FBXO11: variants seen among roughly 807,000 people sequenced by gnomAD.
The protein encoded by FBXO11 is F-box only protein 11.
In FBXO11, 13 loss-of-function variants were observed where a neutral mutation model predicts 117.0. The observed-to-expected ratio is 0.11, with a 90% CI of 0.07 to 0.18. The LOEUF (loss-of-function observed/expected upper bound fraction) is 0.18, where lower values mean the gene tolerates loss of function less well. FBXO11 is among the 10% of genes least tolerant of loss of function. The pLI is 1.00. For missense variants in FBXO11, 767 were observed against 1,164.4 expected (o/e 0.66, Z 4.97); for synonymous variants, 490 against 380.5 (o/e 1.29, Z -3.35).
At chr2:47,857,882 G>A (rs1027923420) in intron 1 of FBXO11, among the ~76,000 whole-genome samples, 4 of 152,104 alleles carry the variant, frequency 2.6e-5, no homozygotes, top group African/African-American at 9.7e-5. Flanking sequence ...AGAATCATAA[G>A]GCAGACGCAG....
chr2:47,839,270 A>C (rs1672836943), intron 3 of FBXO11, 149 bp downstream of exon 3: 2 of 757,278 alleles, frequency 2.6e-6, no homozygotes, highest in Admixed American at 6.5e-5. Context: ...AGTCAGAGGG[A>C]GAGGTCAGGG....
At chr2:47,873,865 G>A (rs1318781742) in intron 1 of FBXO11, among the ~76,000 whole-genome samples, 1 of 151,972 alleles carries the variant, frequency 6.6e-6, no homozygotes, top group Non-Finnish European at 1.5e-5. Context: ...CATTTAATCT[G>A]TGTTCCTCTG....
At chr2:47,853,402 CAT>C (rs1426643689) in intron 1 of FBXO11, among the ~76,000 whole-genome samples, 3 of 152,136 alleles carry the variant, frequency 2.0e-5, no homozygotes, top group African/African-American at 7.2e-5. Context: ...AATACTTTTA[CAT>C]GTCATATTTT....
At chr2:47,897,701 CAAAAAAAAAAAAA>C (rs60982405) in intron 1 of FBXO11, among the ~76,000 whole-genome samples, 1 of 103,144 alleles carries the variant, frequency 9.7e-6, no homozygotes, top group African/African-American at 4.1e-5. Context: ...TGTCTTAAAC[CAAAAAAAAAAAAA>C]AAAAAAAGGA....
chr2:47,904,865 G>A (rs1241696854), intron 1 of FBXO11, among the ~76,000 whole-genome samples: 1 of 152,034 alleles, frequency 6.6e-6, no homozygotes, highest in African/African-American at 2.4e-5. Context: ...AAGACAAACT[G>A]CGCAGCAAAC....
At chr2:47,832,252 A>T in intron 11 of FBXO11, 97 bp downstream of exon 11, 1 of 1,021,476 alleles carries the variant, frequency 9.8e-7, no homozygotes. Context: ...ATACTCTTCA[A>T]TTCAGATAAT....
intron 7 of FBXO11, among the ~76,000 whole-genome samples, chr2:47,834,228 T>C (rs1672388831): frequency 6.6e-6 from 1 of 152,144 alleles, no homozygotes; most frequent in African/African-American, 2.4e-5. Context: ...TGCATGCCTA[T>C]AATCCCAGCT....
rs1325540137 is a variant in FBXO11 at position 47,818,977 on chromosome 2, G to A, written c.1899C>T (p.Asn633=). ...CTACCTGCTTGCCACTGTGTATCCGGTTTCTTCTCAGTACTGGAGTGCTGC... is the reference window on the plus strand; with the variant it reads ...CTACCTGCTTGCCACTGTGTATCCGATTTCTTCTCAGTACTGGAGTGCTGC... ...TTGSTPVLRR[N]RIHSGKQVGV... The change falls in exon 15 of 23, where the codon AAC becomes AAT. Residue 633 remains asparagine (N), a synonymous_variant. Transcript: ENST00000403359. The A allele has an allele frequency of 6.2e-7, 1 of 1,613,856 alleles. No individual in the cohort carries two copies. The highest frequency in any genetic ancestry group is 2.2e-5 in the East Asian group (1 of 44,868).
chr2:47,890,497 G>A (rs530066943), intron 1 of FBXO11, among the ~76,000 whole-genome samples: 4 of 152,058 alleles, frequency 2.6e-5, no homozygotes, highest in Admixed American at 6.6e-5. Flanking sequence ...ATGAGTTCAC[G>A]ACACAATCAG....
intron 1 of FBXO11, among the ~76,000 whole-genome samples, chr2:47,860,618 G>A (rs1271403582): frequency 6.6e-6 from 1 of 151,528 alleles, no homozygotes; most frequent in Non-Finnish European, 1.5e-5. Context: ...TGTTGCCCAG[G>A]CTGGTCTCGA....
At position 47,905,641 on chromosome 2, in the gene FBXO11, G is replaced by GGCTGCTGCTGCTGTTGCTGCACCGGGC; in HGVS notation, c.53_79dup (p.Arg18_Gln26dup). 4.2e-6 allele frequency: 6 copies of GGCTGCTGCTGCTGTTGCTGCACCGGGC among 1,433,898 alleles called. No homozygotes were observed. Among genetic ancestry groups the GGCTGCTGCTGCTGTTGCTGCACCGGGC allele is most frequent in the Non-Finnish European group, 5.5e-6 (6 of 1,090,880 alleles). The allele number at this position is 1,433,898 out of a possible 1,614,324, so 88.8% of individuals were successfully genotyped here. A position where few individuals can be genotyped will look rare whatever the true frequency, so the allele number is the denominator to read the frequency against. ...CGGCTGCGGCGGCGGCTGCTGCGGGGGCTGCTGCTGCTGTTGCTGCACCGG... is the reference window on the plus strand; with the variant it reads ...CGGCTGCGGCGGCGGCTGCTGCGGGGGCTGCTGCTGCTGTTGCTGCACCGGGCGCTGCTGCTGCTGTTGCTGCACCGG... On this transcript the variant is annotated inframe_insertion, in exon 1 of 23. Coordinates refer to ENST00000403359, the MANE Select transcript of FBXO11 (RefSeq NM_001190274.2).
chr2:47,813,400 T>A (rs1396505088), intron 17 of FBXO11, 23 bp from the exon 18 acceptor site: 2 of 1,411,054 alleles, frequency 1.4e-6, no homozygotes, highest in Non-Finnish European at 1.9e-6. Flanking sequence ...AAATGTAGGT[T>A]ATCTAGAAGG....
chr2:47,882,443 T>TC (rs150666519), intron 1 of FBXO11, among the ~76,000 whole-genome samples: 12,286 of 152,252 alleles, frequency 0.081, 607 homozygotes, highest in Non-Finnish European at 0.11. Flanking sequence ...AGCTAGTTTT[T>TC]CTTCAATTGT....
intron 1 of FBXO11, among the ~76,000 whole-genome samples, chr2:47,900,921 TAC>T (rs1388449113): frequency 1.4e-5 from 2 of 145,198 alleles, no homozygotes; most frequent in Non-Finnish European, 3.1e-5. Flanking sequence ...TGTATATATA[TAC>T]ACGTATTTAT....
chr2:47,899,419 G>A (rs1441172074), intron 1 of FBXO11, among the ~76,000 whole-genome samples: 2 of 151,764 alleles, frequency 1.3e-5, no homozygotes, highest in African/African-American at 4.8e-5. Context: ...ATATTTAAAA[G>A]ACCTATCATT....
chr2:47,823,480 C>T lies in FBXO11; in HGVS notation c.1399-120G>A, dbSNP rs546712642. ...AGTATTAGAAACATTTAAGGCTGGG[C>T]GTGGTGACTCACGCCTGTTAATCCC... On this transcript the variant is annotated intron_variant, in intron 11 of 22. Coordinates refer to ENST00000403359, the MANE Select transcript of FBXO11 (RefSeq NM_001190274.2). The T allele has an allele frequency of 5.8e-5, 46 of 795,538 alleles. No homozygotes were observed. In the African/African-American group the frequency reaches 6.6e-4, roughly 11 times the overall value. 49.3% of individuals were successfully genotyped at this position (795,538 alleles called of 1,614,324 possible). A position where few individuals can be genotyped will look rare whatever the true frequency, so the allele number is the denominator to read the frequency against.
Position 47,832,558 on chromosome 2 carries a change from A to T in FBXO11, c.1260+14T>A, listed in dbSNP as rs772368533. 1 of 1,607,260 alleles carries T rather than the reference A, an allele frequency of 6.2e-7. No individual in the cohort carries two copies. Among genetic ancestry groups the T allele is most frequent in the South Asian group, 1.1e-5 (1 of 90,042 alleles). ...TTTCTAAAAAGAAAAAAACCACACA[A>T]AATTAAAAAATACCTGTGCATGATC... On this transcript the variant is annotated intron_variant, in intron 10 of 22. Coordinates refer to ENST00000403359, the MANE Select transcript of FBXO11 (RefSeq NM_001190274.2).
rs115439859 is a variant in FBXO11, at chr2:47,857,282, G to A, written c.233-17513C>T. Among the ~76,000 whole-genome samples the A allele has an allele frequency of 9.7e-3, 1,469 of 152,158 alleles. 20 individuals are homozygous for A. The highest frequency in any genetic ancestry group is 0.033 in the African/African-American group (1,378 of 41,514). ...TACACAGCCATTAATGAGCAAGAAG[G>A]TATTTTTTTTTTTAAATCAGCAGAG... On this transcript the variant is annotated intron_variant, in intron 1 of 22. Transcript: ENST00000403359.
chr2:47,809,565 G>T, intron 20 of FBXO11, 35 bp downstream of exon 20: 2 of 1,409,326 alleles, frequency 1.4e-6, no homozygotes, highest in Non-Finnish European at 2.0e-6. Context: ...ATGGCATATT[G>T]CATATATTTA....
Sources: allele counts gnomAD v4.1 joint callset (sites outside exome capture counted in the v4.1 genomes callset), GRCh38; gene constraint gnomAD v4.1.1; transcripts MANE v1.5; gene names NCBI Gene and HGNC (gene_info 2026-07-23, HGNC 2026-07-21).